Variants in RPN2 observed in about 807,000 individuals in gnomAD.
RPN2 encodes the protein ribophorin II.
Under a neutral mutation model 71.4 loss-of-function variants are expected in RPN2, and 29 were observed. The observed-to-expected ratio is 0.41, with a 90% CI of 0.30 to 0.55. RPN2 has a LOEUF of 0.55. Ranked by LOEUF, RPN2 falls within the 20% of genes least tolerant of loss-of-function variation. The pLI is 0.35. For synonymous variants in RPN2, 308 were observed against 305.0 expected (o/e 1.01, Z -0.10); for missense variants, 726 against 774.1 (o/e 0.94, Z 0.74).
rs1007221701 is a variant in RPN2 at position 37,192,870 on chromosome 20, T to C, written c.208-5527T>C. Among the ~76,000 whole-genome samples the C allele has an allele frequency of 4.6e-5, 7 of 152,240 alleles. No individual in the cohort carries two copies. In the South Asian group the frequency reaches 1.5e-3, roughly 32 times the overall value. On this transcript the variant is annotated intron_variant, in intron 2 of 16. Transcript: ENST00000237530. ...GGCTGAGTGTGTTGGCTCACACCTATAATCCTAGCACTTTGGAAGGCTGAG... is the reference window on the plus strand; with the variant it reads ...GGCTGAGTGTGTTGGCTCACACCTACAATCCTAGCACTTTGGAAGGCTGAG...
At chr20:37,200,345 C>T in intron 4 of RPN2, 1 of 360,930 alleles carries the variant, frequency 2.8e-6, no homozygotes, top group Non-Finnish European at 5.6e-6. Context: ...GTTGTCCAGG[C>T]CGGTTGTAAT....
At chr20:37,191,874 G>A (rs1210530646) in intron 2 of RPN2, among the ~76,000 whole-genome samples, 1 of 152,090 alleles carries the variant, frequency 6.6e-6, no homozygotes, top group Non-Finnish European at 1.5e-5. Flanking sequence ...TTGAGGTCAG[G>A]AGTTGGAGAC....
rs1460569549 is a variant in RPN2, at chr20:37,232,374, C to T, written c.1660C>T (p.Leu554Phe). 2 of 1,614,218 alleles carry T rather than the reference C, an allele frequency of 1.2e-6. No homozygotes were observed. Among genetic ancestry groups the T allele is most frequent in the South Asian group, 2.2e-5 (2 of 91,088 alleles). Residue 554 changes from leucine to phenylalanine, a missense_variant, in exon 14 of 17, where the codon CTT becomes TTT. Physicochemically the swap from Leu to Phe is conservative, Grantham distance 22. Transcript: ENST00000237530. ...TFTALILSPL[L>F]LLFALWIRIG... The stretch of plus-strand genomic sequence containing the variant: ...CACTGCCCTGATCCTCTCGCCGTTG[C>T]TTCTGCTCTTCGCTCTGGTGAGTGG...
Position 37,213,687 on chromosome 20 carries a change from T to C in RPN2, c.987-73T>C, listed in dbSNP as rs1282321039. 4.3e-6 allele frequency: 5 copies of C among 1,159,884 alleles called. No homozygotes were observed. The East Asian group carries it at 7.0e-5, about 16-fold the overall frequency. 71.8% of individuals were successfully genotyped at this position (1,159,884 alleles called of 1,614,324 possible). A position where few individuals can be genotyped will look rare whatever the true frequency, so the allele number is the denominator to read the frequency against. ...CCTTGGACAGTCTCCAGGAGACATT[T>C]TGTAGCTCCTGTTTGTTATATCCAT... On this transcript the variant is annotated intron_variant, in intron 8 of 16. Transcript: ENST00000237530.
In RPN2 at chr20:37,203,916, C is replaced by T. The variant is rs901725213; in HGVS notation, c.511C>T (p.Leu171=). ...TVQALQTASH[L]SQQADLRSIV... Reference sequence around the variant, plus strand: ...CCAGGCTCTGCAGACAGCATCCCACCTGTCCCAGCAGGCTGACCTGAGGAG... The same window carrying T: ...CCAGGCTCTGCAGACAGCATCCCACTTGTCCCAGCAGGCTGACCTGAGGAG... The change falls in exon 5 of 17, where the codon CTG becomes TTG. Residue 171 remains leucine, a synonymous_variant. Transcript: ENST00000237530. The T allele has an allele frequency of 6.2e-6, 10 of 1,613,954 alleles. No homozygotes were observed. Among genetic ancestry groups the T allele is most frequent in the African/African-American group, 1.3e-5 (1 of 74,946 alleles).
At chr20:37,208,891 T>C (rs192168182) in intron 7 of RPN2, among the ~76,000 whole-genome samples, 7 of 152,330 alleles carry the variant, frequency 4.6e-5, no homozygotes, top group Admixed American at 4.6e-4. Flanking sequence ...CCTGCAGATA[T>C]CCTCCTGAGC....
chr20:37,212,595 A>G (rs377375419), intron 8 of RPN2, among the ~76,000 whole-genome samples: 19 of 151,778 alleles, frequency 1.3e-4, no homozygotes, highest in African/African-American at 4.4e-4. Context: ...ATTCTGCCTC[A>G]GCTTCCTAAG....
intron 9 of RPN2, among the ~76,000 whole-genome samples, chr20:37,216,850 T>C (rs1391586315): frequency 6.6e-6 from 1 of 152,224 alleles, no homozygotes; most frequent in Non-Finnish European, 1.5e-5. Context: ...GTTGCTGTAG[T>C]ATTTTACACC....
At chr20:37,226,557 C>G (rs181616116) in intron 11 of RPN2, among the ~76,000 whole-genome samples, 1 of 152,238 alleles carries the variant, frequency 6.6e-6, no homozygotes, top group East Asian at 1.9e-4. Flanking sequence ...AGGGAATATA[C>G]TGAAATAATT....
chr20:37,185,546 T>C (rs2066988584), intron 2 of RPN2, among the ~76,000 whole-genome samples: 1 of 152,230 alleles, frequency 6.6e-6, no homozygotes, highest in Non-Finnish European at 1.5e-5. Context: ...TTTCTTTGAC[T>C]GAAGAACAAA....
At chr20:37,182,613 C>T (rs1027576481) in intron 1 of RPN2, among the ~76,000 whole-genome samples, 1 of 152,004 alleles carries the variant, frequency 6.6e-6, no homozygotes, top group Non-Finnish European at 1.5e-5. Context: ...CTGGTCTAGT[C>T]TTGAACTCCT....
At chr20:37,210,935 C>G (rs913284318) in intron 8 of RPN2, among the ~76,000 whole-genome samples, 2 of 151,936 alleles carry the variant, frequency 1.3e-5, no homozygotes, top group Admixed American at 6.6e-5. Flanking sequence ...TACCTGTAAC[C>G]CCAGCACTTT....
intron 4 of RPN2, chr20:37,200,555 GT>G (rs1015956862): frequency 4.5e-5 from 23 of 510,464 alleles, no homozygotes; most frequent in South Asian, 3.2e-4. Flanking sequence ...TTTTTTGTTT[GT>G]TTTTTGTTTT....
rs187554154 is a variant in RPN2 at position 37,235,149 on chromosome 20, G to A, written c.1753+1054G>A. Among the ~76,000 whole-genome samples, 11 of 152,232 alleles carry A rather than the reference G, an allele frequency of 7.2e-5. No homozygotes were observed. The East Asian group carries it at 2.1e-3, about 29-fold the overall frequency. ...GTGACTTTGATCAGATTATTATGGT[G>A]CAGTGGTCCGTGACCTCAGAAGTGG... On this transcript the variant is annotated intron_variant, in intron 15 of 16. Transcript: ENST00000237530.
chr20:37,187,623 T>G (rs1361716578), intron 2 of RPN2, among the ~76,000 whole-genome samples: 1 of 152,072 alleles, frequency 6.6e-6, no homozygotes, highest in Non-Finnish European at 1.5e-5. Flanking sequence ...TCCTGTCTTA[T>G]TTTTATATTT....
chr20:37,229,713 T>C (rs1474122813), intron 12 of RPN2, among the ~76,000 whole-genome samples: 1 of 152,212 alleles, frequency 6.6e-6, no homozygotes, highest in Non-Finnish European at 1.5e-5. Flanking sequence ...CAGCTGGGAT[T>C]TTTGTATTAA....
rs774981812 is a variant in RPN2, at chr20:37,184,119, G to T, written c.14-61G>T. On this transcript the variant is annotated intron_variant, in intron 1 of 16. Transcript: ENST00000237530. ...CCAGATCTTGGTGTGCATCATCATT[G>T]GGACTGTGTATAGCACCTTGGAAGA... The T allele has an allele frequency of 3.8e-6, 6 of 1,589,848 alleles. No individual in the cohort carries two copies. In the African/African-American group the frequency reaches 8.1e-5, roughly 21 times the overall value.
At chr20:37,229,659 G>A (rs979538443) in intron 12 of RPN2, among the ~76,000 whole-genome samples, 1 of 152,058 alleles carries the variant, frequency 6.6e-6, no homozygotes, top group South Asian at 2.1e-4. Flanking sequence ...CACTTCCCAG[G>A]GACACCAAGC....
chr20:37,238,734 GTACTTACTTA>G (rs1454522988), intron 16 of RPN2: 3 of 667,414 alleles, frequency 4.5e-6, no homozygotes, highest in Non-Finnish European at 5.6e-6. Context: ...ATCCCGTGGG[GTACTTACTTA>G]TTTATAGACA....
Sources: gnomAD v4.1 joint callset for allele counts (sites outside exome capture counted in the v4.1 genomes callset) on GRCh38, gnomAD v4.1.1 for gene constraint, MANE v1.5 for transcripts, NCBI Gene and HGNC (gene_info 2026-07-23, HGNC 2026-07-21) for gene names.